ANKRD13D: variants seen among roughly 807,000 people sequenced by gnomAD.
ANKRD13D encodes ankyrin repeat domain 13D.
A neutral mutation model predicts 68.8 loss-of-function variants in ANKRD13D; 24 were observed. The observed-to-expected ratio is 0.35, with a 90% CI of 0.25 to 0.49. The LOEUF (loss-of-function observed/expected upper bound fraction) is 0.49. Among genes scored for constraint, ANKRD13D ranks in the 20% least tolerant of loss-of-function variants. The pLI is 0.99. For missense variants in ANKRD13D, 735 were observed against 832.1 expected, an observed-to-expected ratio of 0.88 and a Z score of 1.44; for synonymous variants, 331 against 336.1, an observed-to-expected ratio of 0.98 and a Z score of 0.16.
In ANKRD13D at chr11:67,289,366, G is replaced by T. The variant is rs1860431039; in HGVS notation, c.-95G>T. The T allele has an allele frequency of 2.2e-6, 2 of 925,900 alleles. No individual in the cohort carries two copies. Among genetic ancestry groups the T allele is most frequent in the Non-Finnish European group, 2.7e-6 (2 of 736,590 alleles). The allele number at this position is 925,900 out of a possible 1,614,324, so 57.4% of individuals were successfully genotyped here. On this transcript the variant is annotated 5_prime_UTR_variant, in exon 1 of 15. Coordinates refer to ENST00000511455, the MANE Select transcript of ANKRD13D (RefSeq NM_207354.3). The stretch of plus-strand genomic sequence containing the variant: ...CGCCGCTACTGCTGCGGGGGCCGCG[G>T]GGGGCGCAGCTGGGGCGCGGCTCGG...
intron 6 of ANKRD13D, chr11:67,298,418 C>T (rs10896167): frequency 0.73 from 111,135 of 152,948 alleles, 46,327 homozygotes; most frequent in South Asian, 0.94. Context: ...TCCGTGTGCG[C>T]GTGAGAAGCG....
Position 67,301,809 on chromosome 11 carries a change from G to A in ANKRD13D, c.1590G>A (p.Gln530=). 6.2e-7 allele frequency: 1 copy of A among 1,601,320 alleles called. No individual in the cohort carries two copies. The highest frequency in any genetic ancestry group is 8.5e-7 in the Non-Finnish European group (1 of 1,174,632). Residue 530 remains glutamine (Q), a synonymous_variant, in exon 14 of 15, where the codon CAG becomes CAA. Coordinates refer to ENST00000511455, the MANE Select transcript of ANKRD13D (RefSeq NM_207354.3). The surrounding 1 kb of genome is among the most constrained non-coding windows in gnomAD (Gnocchi z 4.5). ...CCCAGGCCACGGTTTATGAGGAACA[G>A]CTTCAGCTGGAGCGGTGAGCCCCTC... ...PPPQATVYEE[Q]LQLERALQES...
rs1473022118 is a variant in ANKRD13D at position 67,290,201 on chromosome 11, C to A, written c.214C>A (p.Gln72Lys). The A allele has an allele frequency of 1.9e-6, 3 of 1,538,736 alleles. No individual in the cohort carries two copies. In the African/African-American group the frequency reaches 4.1e-5, roughly 21 times the overall value. ...TGCCAACGTGGGCAAAGAGAACCGC[C>A]AGGGCTGGGCAGGTACTGCAGAGGA... ...HNANVGKENRQGWAVLQEAVS... is the reference protein window; with the variant it reads ...HNANVGKENRKGWAVLQEAVS... The change falls in exon 2 of 15, where the codon CAG (glutamine) becomes AAG (lysine). Residue 72 changes from glutamine (Q) to lysine (K), a missense_variant. By Grantham distance (53) the Gln-to-Lys change is moderately conservative. Coordinates refer to ENST00000511455, the MANE Select transcript of ANKRD13D (RefSeq NM_207354.3).
chr11:67,297,651 G>C (rs888771217), intron 6 of ANKRD13D, among the ~76,000 whole-genome samples: 3 of 151,386 alleles, frequency 2.0e-5, no homozygotes, highest in African/African-American at 7.3e-5. Flanking sequence ...TCAGCCTCCC[G>C]AGTAGCTGGG....
intron 6 of ANKRD13D, among the ~76,000 whole-genome samples, chr11:67,294,731 G>A (rs1162251235): frequency 6.6e-6 from 1 of 151,914 alleles, no homozygotes; most frequent in Admixed American, 6.6e-5. Flanking sequence ...AGAGAGACAG[G>A]ATTTCACCAT....
Position 67,299,224 on chromosome 11 carries a change from A to G in ANKRD13D, c.798+100A>G. The G allele has an allele frequency of 4.2e-6, 6 of 1,441,248 alleles. No individual in the cohort carries two copies. The South Asian group carries it at 6.9e-5, about 16-fold the overall frequency. The allele number at this position is 1,441,248 out of a possible 1,614,324, so 89.3% of individuals were successfully genotyped here. On this transcript the variant is annotated intron_variant, in intron 7 of 14. Transcript: ENST00000511455. The surrounding 1 kb of genome is among the most constrained non-coding windows in gnomAD (Gnocchi z 6.2). ...CCAGAGTAGCCCCTGGGCTCTGGAAACCCTGAGCATTTGTGGGAACTCAGC... is the reference window on the plus strand; with the variant it reads ...CCAGAGTAGCCCCTGGGCTCTGGAAGCCCTGAGCATTTGTGGGAACTCAGC...
At chr11:67,297,207 A>G (rs1860784712) in intron 6 of ANKRD13D, among the ~76,000 whole-genome samples, 1 of 152,082 alleles carries the variant, frequency 6.6e-6, no homozygotes, top group Non-Finnish European at 1.5e-5. Flanking sequence ...TTATACTTCT[A>G]GGCATGTCTT....
At chr11:67,290,585 AC>A in intron 3 of ANKRD13D, 139 bp downstream of exon 3, 3 of 1,328,992 alleles carry the variant, frequency 2.3e-6, no homozygotes, top group Non-Finnish European at 1.0e-6. Flanking sequence ...GTCTATCTTG[AC>A]CCCAGCCCAG....
chr11:67,297,682 C>A (rs1369837481), intron 6 of ANKRD13D, among the ~76,000 whole-genome samples: 3 of 151,776 alleles, frequency 2.0e-5, no homozygotes, highest in Non-Finnish European at 4.4e-5. Context: ...CCTGCCACCA[C>A]GCCCGGCTAA....
chr11:67,300,217 G>C lies in ANKRD13D; in HGVS notation c.1073+94G>C, dbSNP rs931093888. On this transcript the variant is annotated intron_variant, in intron 10 of 14. Coordinates refer to ENST00000511455, the MANE Select transcript of ANKRD13D (RefSeq NM_207354.3). This position sits in a 1 kb window ranked among gnomAD's most constrained non-coding sequence, Gnocchi z 4.3. ...GTCATAGTTAGGGACCCACTCCCTCGGCTGGCTTCTCTCTGGACTCCACTC... is the reference window on the plus strand; with the variant it reads ...GTCATAGTTAGGGACCCACTCCCTCCGCTGGCTTCTCTCTGGACTCCACTC... 6.5e-7 allele frequency: 1 copy of C among 1,545,136 alleles called. No homozygotes were observed. Among genetic ancestry groups the C allele is most frequent in the Non-Finnish European group, 8.8e-7 (1 of 1,137,436 alleles).
rs975224613 is a variant in ANKRD13D at position 67,299,601 on chromosome 11, G to A, written c.870G>A (p.Ser290=). ...AGCACCTCTCTGATCAGGACAAGTCGAGGAGCAAAGGTAAACCCAGGTGCG... is the reference window on the plus strand; with the variant it reads ...AGCACCTCTCTGATCAGGACAAGTCAAGGAGCAAAGGTAAACCCAGGTGCG... ...RTEHLSDQDK[S]RSKAGKTPFQ... is the part of the protein sequence containing the mutation. Residue 290 remains serine, a synonymous_variant, in exon 8 of 15, where the codon TCG becomes TCA. Coordinates refer to ENST00000511455, the MANE Select transcript of ANKRD13D (RefSeq NM_207354.3). The surrounding 1 kb of genome is among the most constrained non-coding windows in gnomAD (Gnocchi z 6.2). 20 of 1,551,128 alleles carry A rather than the reference G, an allele frequency of 1.3e-5. No homozygotes were observed. The highest frequency in any genetic ancestry group is 2.7e-5 in the African/African-American group (2 of 73,152).
chr11:67,291,779 G>C (rs759088435), intron 5 of ANKRD13D, 33 bp downstream of exon 5: 5 of 1,606,780 alleles, frequency 3.1e-6, no homozygotes, highest in South Asian at 1.1e-5. Flanking sequence ...GCAGCTCCTC[G>C]GCCCTTGGGT....
chr11:67,300,719 C>T lies in ANKRD13D; in HGVS notation c.1074-271C>T. ...TGTGGGCCAGGCCCAGAGAGAAGCC[C>T]ACAGCCTGGCACCTGGCCTCCTTGT... On this transcript the variant is annotated intron_variant, in intron 10 of 14. Coordinates refer to ENST00000511455, the MANE Select transcript of ANKRD13D (RefSeq NM_207354.3). The surrounding 1 kb of genome is among the most constrained non-coding windows in gnomAD (Gnocchi z 4.3). 1.9e-6 allele frequency: 1 copy of T among 539,140 alleles called. No homozygotes were observed. Among genetic ancestry groups the T allele is most frequent in the South Asian group, 2.7e-5 (1 of 36,938 alleles). The allele number at this position is 539,140 out of a possible 1,614,324, so 33.4% of individuals were successfully genotyped here.
chr11:67,297,249 G>T (rs984626254), intron 6 of ANKRD13D, among the ~76,000 whole-genome samples: 1 of 151,916 alleles, frequency 6.6e-6, no homozygotes, highest in Non-Finnish European at 1.5e-5. Flanking sequence ...TCACTCCATC[G>T]CCCAGGCTGG....
chr11:67,295,821 G>A lies in ANKRD13D; in HGVS notation c.732-3237G>A, dbSNP rs543151060. 3.1e-4 allele frequency among the ~76,000 whole-genome samples: 47 copies of A among 152,272 alleles called. 1 individual carries two copies. The South Asian group carries it at 8.3e-3, about 27-fold the overall frequency. ...TCTTGTCTTGTTCTTCATCTTAGGG[G>A]AAAAACATTCAGTCTTACCATTAAG... On this transcript the variant is annotated intron_variant, in intron 6 of 14. Transcript: ENST00000511455.
At position 67,300,657 on chromosome 11, in the gene ANKRD13D, C is replaced by G. The variant is rs908695510; in HGVS notation, c.1074-333C>G. ...ACATAAAAGTTTGGCAACACGTGAG[C>G]TGGTGACCAGCTCTGGGCTGAGGAG... On this transcript the variant is annotated intron_variant, in intron 10 of 14. Transcript: ENST00000511455. The surrounding 1 kb of genome is among the most constrained non-coding windows in gnomAD (Gnocchi z 4.3). 4.3e-6 allele frequency: 2 copies of G among 468,120 alleles called. No homozygotes were observed. 29.0% of individuals were successfully genotyped at this position (468,120 alleles called of 1,614,324 possible).
In ANKRD13D at chr11:67,299,921, G is replaced by A. The variant is rs374938874; in HGVS notation, c.942+33G>A. ...GGGGCTGGGCCGAGACAGGGCTGGC[G>A]GGGGGCCGAGCCTGGGCGGGAGGGC... On this transcript the variant is annotated intron_variant, in intron 9 of 14. Transcript: ENST00000511455. This position sits in a 1 kb window ranked among gnomAD's most constrained non-coding sequence, Gnocchi z 6.2. 96 of 1,561,206 alleles carry A rather than the reference G, an allele frequency of 6.1e-5. No individual in the cohort carries two copies. The highest frequency in any genetic ancestry group is 3.6e-4 in the East Asian group (16 of 44,348).
chr11:67,293,011 G>A (rs947064461), intron 6 of ANKRD13D, among the ~76,000 whole-genome samples: 2 of 152,124 alleles, frequency 1.3e-5, no homozygotes, highest in African/African-American at 2.4e-5. Flanking sequence ...TGTGGCCATT[G>A]TATGAATATA....
rs1313752952 is a variant in ANKRD13D at position 67,299,765 on chromosome 11, G to A, written c.881-62G>A. On this transcript the variant is annotated intron_variant, in intron 8 of 14. Transcript: ENST00000511455. The surrounding 1 kb of genome is among the most constrained non-coding windows in gnomAD (Gnocchi z 6.2). ...CCCCAGACAGTAGGCTCCAGGGGTG[G>A]AGGTGGGCAGGGGCGATGCGAGCAT... The A allele has an allele frequency of 2.0e-6, 3 of 1,535,346 alleles. No homozygotes were observed.
Sources: gnomAD v4.1 joint callset for allele counts (sites outside exome capture counted in the v4.1 genomes callset) on GRCh38, gnomAD v4.1.1 for gene constraint, Gnocchi (gnomAD v3.1) non-coding constraint, MANE v1.5 for transcripts, NCBI Gene and HGNC (gene_info 2026-07-23, HGNC 2026-07-21) for gene names.